Variants in PIK3C2G observed in about 807,000 individuals in gnomAD.
PIK3C2G encodes the protein phosphatidylinositol-4-phosphate 3-kinase catalytic subunit type 2 gamma.
PIK3C2G carries 168 observed loss-of-function variants against 181.1 expected under a neutral mutation model. The observed-to-expected ratio is 0.93, with a 90% CI of 0.82 to 1.05. The LOEUF (loss-of-function observed/expected upper bound fraction) is 1.05, where lower values mean the gene tolerates loss of function less well. Among genes scored for constraint, PIK3C2G ranks in the 50% least tolerant of loss-of-function variants. PIK3C2G has a pLI of 0.00. For synonymous variants in PIK3C2G, 573 were observed against 592.2 expected (o/e 0.97, Z 0.47); for missense variants, 1,869 against 1,732.8 (o/e 1.08, Z -1.40).
intron 1 of PIK3C2G, among the ~76,000 whole-genome samples, chr12:18,251,980 G>C (rs1948099640): frequency 6.6e-6 from 1 of 151,996 alleles, no homozygotes; most frequent in South Asian, 2.1e-4. Flanking sequence ...CACTTATTCT[G>C]TAAATACTTA....
chr12:18,415,700 A>T (rs1346327378), intron 16 of PIK3C2G, among the ~76,000 whole-genome samples: 4 of 152,234 alleles, frequency 2.6e-5, no homozygotes, highest in Non-Finnish European at 5.9e-5. Flanking sequence ...TGTGAATGCA[A>T]AGGAAAAGTT....
At chr12:18,358,239 A>ACATTTGCC (rs1203268694) in intron 11 of PIK3C2G, among the ~76,000 whole-genome samples, 3 of 152,250 alleles carry the variant, frequency 2.0e-5, no homozygotes, top group African/African-American at 7.2e-5. Flanking sequence ...TACCAAACTA[A>ACATTTGCC]CATTTGCCAG....
chr12:18,650,188 G>A (rs1488592683), downstream of PIK3C2G, among the ~76,000 whole-genome samples: 1 of 151,758 alleles, frequency 6.6e-6, no homozygotes, highest in African/African-American at 2.4e-5. Flanking sequence ...AAATATTAGG[G>A]TTCTTTTCCC....
chr12:18,541,525 TATTAG>T (rs1268621859), intron 25 of PIK3C2G, among the ~76,000 whole-genome samples: 7 of 152,044 alleles, frequency 4.6e-5, no homozygotes, highest in East Asian at 1.9e-4. Context: ...CCCATTATTA[TATTAG>T]ATATTTCCCA....
chr12:18,350,895 C>T (rs1400185058), intron 11 of PIK3C2G, among the ~76,000 whole-genome samples: 1 of 152,016 alleles, frequency 6.6e-6, no homozygotes, highest in Non-Finnish European at 1.5e-5. Flanking sequence ...TACCAGTATT[C>T]CTCTCTCAGG....
intron 24 of PIK3C2G, among the ~76,000 whole-genome samples, chr12:18,518,709 GT>G (rs896514868): frequency 1.3e-5 from 2 of 151,922 alleles, no homozygotes; most frequent in African/African-American, 4.8e-5. Flanking sequence ...TTTTTTGGAG[GT>G]TTTTTGTATC....
At chr12:18,399,144 G>T (rs1374612855) in intron 15 of PIK3C2G, among the ~76,000 whole-genome samples, 1 of 142,190 alleles carries the variant, frequency 7.0e-6, no homozygotes, top group Admixed American at 7.2e-5. Context: ...GCAGTGAGCC[G>T]AGATCCCGCC....
intron 24 of PIK3C2G, among the ~76,000 whole-genome samples, chr12:18,519,767 A>G (rs973795485): frequency 2.6e-5 from 4 of 152,032 alleles, no homozygotes; most frequent in African/African-American, 9.7e-5. Context: ...TCATGATGCT[A>G]TCTGGTTATT....
At chr12:18,462,996 T>C (rs548593860) in intron 18 of PIK3C2G, among the ~76,000 whole-genome samples, 48 of 152,326 alleles carry the variant, frequency 3.2e-4, no homozygotes, top group African/African-American at 1.1e-3. Flanking sequence ...TTGAAAAGAA[T>C]ACTATAGCCT....
intron 24 of PIK3C2G, among the ~76,000 whole-genome samples, chr12:18,526,247 T>A (rs565768811): frequency 1.2e-4 from 18 of 152,262 alleles, no homozygotes; most frequent in East Asian, 5.8e-4. Flanking sequence ...AATAATAATC[T>A]CCTTCATGCT....
chr12:18,647,902 C>A lies in PIK3C2G; in HGVS notation c.4335C>A (p.Leu1445=). The A allele has an allele frequency of 6.3e-7, 1 of 1,583,822 alleles. No homozygotes were observed. The highest frequency in any genetic ancestry group is 1.8e-5 in the Admixed American group (1 of 56,932). Residue 1445 remains leucine, a synonymous_variant, in exon 33 of 33, where the codon CTC becomes CTA. Transcript: ENST00000538779. ...TAGTATATGATGAAGTCACAGAGCT[C>A]CAAGGACATGTCTTAATGCTTATTG... ...EIVVYDEVTE[L]QGHVLMLIVK... is the part of the protein sequence containing the mutation.
chr12:18,583,482 A>C (rs1946608957), intron 29 of PIK3C2G, among the ~76,000 whole-genome samples: 1 of 152,048 alleles, frequency 6.6e-6, no homozygotes, highest in Non-Finnish European at 1.5e-5. Context: ...CCTGAGACAG[A>C]GCTCCCAGTG....
chr12:18,565,944 C>T (rs1945613511), intron 28 of PIK3C2G, among the ~76,000 whole-genome samples: 1 of 152,162 alleles, frequency 6.6e-6, no homozygotes, highest in African/African-American at 2.4e-5. Flanking sequence ...AGATCTATCT[C>T]TCTACCTACC....
chr12:18,429,548 C>T (rs1471624255), intron 18 of PIK3C2G, among the ~76,000 whole-genome samples: 14 of 152,162 alleles, frequency 9.2e-5, no homozygotes, highest in Admixed American at 4.6e-4. Context: ...ATGACTCTGC[C>T]AGACATCATA....
chr12:18,675,352 A>G, the PIK3C2G span, among the ~76,000 whole-genome samples: 1 of 152,180 alleles, frequency 6.6e-6, no homozygotes, highest in South Asian at 2.1e-4. Context: ...AAGTCTAGGT[A>G]CATTGAGACT....
At chr12:18,272,960 C>T (rs944863974) in intron 1 of PIK3C2G, among the ~76,000 whole-genome samples, 5 of 151,682 alleles carry the variant, frequency 3.3e-5, no homozygotes, top group Non-Finnish European at 7.4e-5. Context: ...CTAGGCCTTC[C>T]AAGGAATGAA....
chr12:18,542,138 T>C (rs1244632517), intron 25 of PIK3C2G, among the ~76,000 whole-genome samples: 3 of 151,792 alleles, frequency 2.0e-5, no homozygotes, highest in Non-Finnish European at 1.5e-5. Flanking sequence ...CCAGAGAAAC[T>C]GGAATGCAAT....
At chr12:18,365,240 C>T (rs1050685192) in intron 12 of PIK3C2G, among the ~76,000 whole-genome samples, 3 of 152,164 alleles carry the variant, frequency 2.0e-5, no homozygotes, top group Admixed American at 1.3e-4. Context: ...AGAGTATTTA[C>T]ATCCCATGAA....
At chr12:18,480,869 T>C (rs1271232587) in intron 18 of PIK3C2G, among the ~76,000 whole-genome samples, 2 of 152,194 alleles carry the variant, frequency 1.3e-5, no homozygotes, top group African/African-American at 4.8e-5. Context: ...CTGCTCTACA[T>C]TGCTGCTTCA....
Sources: gnomAD v4.1 joint callset for allele counts (sites outside exome capture counted in the v4.1 genomes callset) on GRCh38, gnomAD v4.1.1 for gene constraint, MANE v1.5 for transcripts, NCBI Gene and HGNC (gene_info 2026-07-23, HGNC 2026-07-21) for gene names.